The following SLC36A1 variants were observed in gnomAD, a reference collection of about 807,000 sequenced individuals.
The protein encoded by SLC36A1 is solute carrier family 36 member 1.
Under a neutral mutation model 47.5 loss-of-function variants are expected in SLC36A1, and 30 were observed. The observed-to-expected ratio is 0.63, with a 90% CI of 0.47 to 0.86. SLC36A1 has a LOEUF of 0.86. SLC36A1 is among the 40% of genes least tolerant of loss of function. The probability of loss-of-function intolerance (pLI) is 0.00; values close to 1 mark genes in which losing one functional copy is unlikely to be tolerated. For synonymous variants in SLC36A1, 255 were observed against 249.7 expected (o/e 1.02, Z -0.20); for missense variants, 517 against 606.0 (o/e 0.85, Z 1.54).
At chr5:151,524,167 A>G in the SLC36A1 span, among the ~76,000 whole-genome samples, 1 of 152,026 alleles carries the variant, frequency 6.6e-6, no homozygotes, top group Non-Finnish European at 1.5e-5. Flanking sequence ...TCCGTCTGAA[A>G]CCCTCCAACC....
At chr5:151,429,204 T>A in the SLC36A1 span, among the ~76,000 whole-genome samples, 37,596 of 151,770 alleles carry the variant, frequency 0.25, 5,092 homozygotes, top group African/African-American at 0.36. Flanking sequence ...TTTTATTTTT[T>A]AAAATTTTTT....
At chr5:151,413,891 A>T in the SLC36A1 span, among the ~76,000 whole-genome samples, 3 of 152,144 alleles carry the variant, frequency 2.0e-5, no homozygotes, top group African/African-American at 7.2e-5. Flanking sequence ...ATATATACAT[A>T]TGCCAACATA....
chr5:151,531,613 C>A, the SLC36A1 span: 1 of 1,612,998 alleles, frequency 6.2e-7, no homozygotes, highest in Non-Finnish European at 8.5e-7. This position sits in a 1 kb window ranked among gnomAD's most constrained non-coding sequence, Gnocchi z 5.7. Context: ...GCGGAACCTG[C>A]CTTGCTCGTT....
chr5:151,479,602 C>A (rs1758547851), intron 10 of SLC36A1, 113 bp downstream of exon 10: 1 of 1,269,712 alleles, frequency 7.9e-7, no homozygotes, highest in Admixed American at 2.2e-5. Flanking sequence ...ATGTTTGTGA[C>A]AGAGAACCTG....
intron 10 of SLC36A1, among the ~76,000 whole-genome samples, chr5:151,485,035 G>C (rs1759334446): frequency 6.6e-6 from 1 of 152,122 alleles, no homozygotes; most frequent in Non-Finnish European, 1.5e-5. Flanking sequence ...CAGCTCTTTT[G>C]TTGAGCGTTA....
intron 2 of SLC36A1, among the ~76,000 whole-genome samples, chr5:151,462,334 A>T (rs1755639632): frequency 6.6e-6 from 1 of 152,016 alleles, no homozygotes; most frequent in South Asian, 2.1e-4. Flanking sequence ...TGGGTAAAAG[A>T]TCCATTGAAA....
At chr5:151,400,971 G>C in the SLC36A1 span, among the ~76,000 whole-genome samples, 1 of 152,112 alleles carries the variant, frequency 6.6e-6, no homozygotes, top group Non-Finnish European at 1.5e-5. Context: ...CATTCTGTAG[G>C]TTGTTTGTTT....
the SLC36A1 span, among the ~76,000 whole-genome samples, chr5:151,502,297 G>T: frequency 9.3e-5 from 13 of 139,820 alleles, no homozygotes; most frequent in South Asian, 2.1e-4. Context: ...GGGCAACAGA[G>T]TGAGACTCTG....
upstream of SLC36A1, among the ~76,000 whole-genome samples, chr5:151,433,007 G>A (rs553196109): frequency 6.6e-6 from 1 of 151,740 alleles, no homozygotes; most frequent in African/African-American, 2.4e-5. Flanking sequence ...GAAATGGTGA[G>A]ATAATAAATA....
chr5:151,508,526 A>G, the SLC36A1 span, among the ~76,000 whole-genome samples: 2 of 152,278 alleles, frequency 1.3e-5, no homozygotes, highest in East Asian at 1.9e-4. Context: ...ACTGGCCAGT[A>G]TGGTGAAACC....
Position 151,479,423 on chromosome 5 carries a change from C to T in SLC36A1, c.1093C>T (p.Arg365Ter), listed in dbSNP as rs1425795492. ...GATCATCATCCCCTTCTTTGTGTCC[C>T]GAGCGCCCGAGCACTGTGAGTTAGT... ...AEIIIPFFVS[R>*]APEHCELVVD... Residue 365 changes from arginine to a stop codon, truncating the protein, a stop_gained, in exon 10 of 11, where the codon CGA (arginine) becomes TGA (stop). Coordinates refer to ENST00000243389, the MANE Select transcript of SLC36A1 (RefSeq NM_078483.4). LOFTEE classifies it high-confidence loss of function. The T allele has an allele frequency of 6.2e-7, 1 of 1,614,202 alleles. No individual in the cohort carries two copies. Among genetic ancestry groups the T allele is most frequent in the Admixed American group, 1.7e-5 (1 of 60,030 alleles).
chr5:151,394,378 C>T, the SLC36A1 span, among the ~76,000 whole-genome samples: 1 of 152,194 alleles, frequency 6.6e-6, no homozygotes, highest in South Asian at 2.1e-4. Context: ...GAAGTTTGAT[C>T]ATCTGAAGCC....
chr5:151,467,306 A>AG, intron 6 of SLC36A1, 23 bp downstream of exon 6: 1 of 1,259,406 alleles, frequency 7.9e-7, no homozygotes, highest in Non-Finnish European at 1.1e-6. Context: ...TTAAAAAAGA[A>AG]AAAAAAAAAA....
chr5:151,554,295 A>G, the SLC36A1 span: 90 of 1,458,838 alleles, frequency 6.2e-5, no homozygotes, highest in Middle Eastern at 4.1e-4. Flanking sequence ...CCTCCTCCTG[A>G]ATTCTCAAAG....
chr5:151,510,837 G>A, the SLC36A1 span: 2 of 152,388 alleles, frequency 1.3e-5, no homozygotes, highest in African/African-American at 4.8e-5. Flanking sequence ...GAAGAGAAGA[G>A]TGCGTGCAAA....
At chr5:151,461,526 G>T (rs909373371) in intron 2 of SLC36A1, among the ~76,000 whole-genome samples, 2 of 152,058 alleles carry the variant, frequency 1.3e-5, no homozygotes, top group Non-Finnish European at 2.9e-5. Flanking sequence ...TGCAAAATGT[G>T]GTCTGCACAC....
chr5:151,476,547 C>CT (rs1292811377), intron 8 of SLC36A1, 43 bp from the exon 9 acceptor site: 4 of 1,383,082 alleles, frequency 2.9e-6, no homozygotes, highest in African/African-American at 1.5e-5. Context: ...ATTAACTTTT[C>CT]TTTTTTCTGC....
At chr5:151,458,094 C>T (rs891856798) in intron 1 of SLC36A1, among the ~76,000 whole-genome samples, 36 of 151,692 alleles carry the variant, frequency 2.4e-4, no homozygotes, top group Middle Eastern at 6.8e-3. Context: ...GTGATCCGCC[C>T]GCCTTGGCCT....
chr5:151,440,428 G>A (rs1752556679), intron 1 of SLC36A1, among the ~76,000 whole-genome samples: 1 of 151,972 alleles, frequency 6.6e-6, no homozygotes, highest in South Asian at 2.1e-4. Flanking sequence ...TTGACAGTAG[G>A]GCCATCAGTC....
Sources: allele counts gnomAD v4.1 joint callset (sites outside exome capture counted in the v4.1 genomes callset), GRCh38; gene constraint gnomAD v4.1.1; non-coding constraint Gnocchi (gnomAD v3.1); transcripts MANE v1.5; gene names NCBI Gene and HGNC (gene_info 2026-07-23, HGNC 2026-07-21).